Variants in ARL4D observed in about 807,000 individuals in gnomAD.
The protein encoded by ARL4D is ADP-ribosylation factor-like protein 4D.
A neutral mutation model predicts 0.6 loss-of-function variants in ARL4D; 1 was observed. The ratio of observed to expected loss-of-function variants is 1.64; its 90% CI spans 0.58 to 7.76. The LOEUF (loss-of-function observed/expected upper bound fraction) is 7.76, where lower values mean the gene tolerates loss of function less well. Among genes scored for constraint, ARL4D ranks in the 30% most tolerant of loss-of-function variants. The pLI, the probability that ARL4D is intolerant of heterozygous loss-of-function variation, is 0.14. For synonymous variants in ARL4D, 102 were observed against 115.2 expected (o/e 0.89, Z 0.73); for missense variants, 230 against 264.5 (o/e 0.87, Z 0.90).
rs2058084004 is a variant in ARL4D, at chr17:43,400,489, G to A, written c.*151G>A. ...GAGGAGCATGGGGTGTCCCGTTTTG[G>A]TGCCACACTGGGGTGGGGATGGGAG... On this transcript the variant is annotated 3_prime_UTR_variant, in exon 2 of 2. Transcript: ENST00000320033. The A allele has an allele frequency of 1.9e-6, 2 of 1,031,050 alleles. No homozygotes were observed. Among genetic ancestry groups the A allele is most frequent in the South Asian group, 1.7e-5 (1 of 58,194 alleles). The allele number at this position is 1,031,050 out of a possible 1,614,324, so 63.9% of individuals were successfully genotyped here.
Position 43,400,476 on chromosome 17 carries a change from G to A in ARL4D, c.*138G>A, listed in dbSNP as rs1018269066. ...TCAATGAAGGAGAGAGGAGCATGGG[G>A]TGTCCCGTTTTGGTGCCACACTGGG... On this transcript the variant is annotated 3_prime_UTR_variant, in exon 2 of 2. Coordinates refer to ENST00000320033, the MANE Select transcript of ARL4D (RefSeq NM_001661.4). 3.3e-5 allele frequency: 40 copies of A among 1,213,546 alleles called. No homozygotes were observed. The highest frequency in any genetic ancestry group is 4.3e-5 in the Non-Finnish European group (38 of 880,358). 75.2% of individuals were successfully genotyped at this position (1,213,546 alleles called of 1,614,324 possible).
chr17:43,399,778 T>C lies in ARL4D; in HGVS notation c.46T>C (p.Leu16=). The C allele has an allele frequency of 6.2e-7, 1 of 1,613,958 alleles. No homozygotes were observed. Among genetic ancestry groups the C allele is most frequent in the Non-Finnish European group, 8.5e-7 (1 of 1,179,958 alleles). Residue 16 remains leucine (L), a synonymous_variant, in exon 2 of 2, where the codon TTG becomes CTG. Coordinates refer to ENST00000320033, the MANE Select transcript of ARL4D (RefSeq NM_001661.4). The part of the protein sequence containing the change: ...TEMAPTASSF[L]PHFQALHVVV... ...GATGGCGCCCACTGCCTCCTCCTTC[T>C]TGCCCCACTTCCAAGCCCTGCATGT...
chr17:43,400,228 C>A lies in ARL4D; in HGVS notation c.496C>A (p.Gln166Lys). 1 of 1,604,296 alleles carries A rather than the reference C, an allele frequency of 6.2e-7. No homozygotes were observed. The highest frequency in any genetic ancestry group is 8.5e-7 in the Non-Finnish European group (1 of 1,176,544). The change falls in exon 2 of 2, where the codon CAA becomes AAA. Residue 166 changes from glutamine to lysine, a missense_variant. This residue lies in a region of ARL4D where 131 missense variants were observed against 134.4 expected (regional missense o/e 0.97). Transcript: ENST00000320033. ...AGCAGCCGCCACTCTCACTCATGTG[C>A]AAGGCTGCAGCGCTGTGGACGGTCT... ...ELAAATLTHV[Q>K]GCSAVDGLGL...
rs942197588 is a variant in ARL4D, at chr17:43,400,445, T to G, written c.*107T>G. ...CAGTCAGACTGGGGTGCAGGACCTGTCCACCTCAATGAAGGAGAGAGGAGC... is the reference window on the plus strand; with the variant it reads ...CAGTCAGACTGGGGTGCAGGACCTGGCCACCTCAATGAAGGAGAGAGGAGC... On this transcript the variant is annotated 3_prime_UTR_variant, in exon 2 of 2. Coordinates refer to ENST00000320033, the MANE Select transcript of ARL4D (RefSeq NM_001661.4). The G allele has an allele frequency of 1.4e-6, 2 of 1,407,120 alleles. No homozygotes were observed. Among genetic ancestry groups the G allele is most frequent in the Admixed American group, 5.1e-5 (2 of 39,484 alleles). The allele number at this position is 1,407,120 out of a possible 1,614,324, so 87.2% of individuals were successfully genotyped here. A position where few individuals can be genotyped will look rare whatever the true frequency, so the allele number is the denominator to read the frequency against.
In ARL4D at chr17:43,399,873, C is replaced by A; in HGVS notation, c.141C>A (p.Val47=). Residue 47 remains valine, a synonymous_variant, in exon 2 of 2, where the codon GTC becomes GTA. Transcript: ENST00000320033. The part of the protein sequence containing the change: ...LLYRLKFKEF[V]QSVPTKGFNT... The stretch of plus-strand genomic sequence containing the variant: ...ACCGCCTCAAGTTCAAGGAGTTTGT[C>A]CAGAGTGTCCCCACCAAAGGCTTCA... The A allele has an allele frequency of 6.2e-7, 1 of 1,614,098 alleles. No homozygotes were observed. Among genetic ancestry groups the A allele is most frequent in the East Asian group, 2.2e-5 (1 of 44,864 alleles).
At chr17:43,399,530 A>G (rs914404741) in intron 1 of ARL4D, 131 bp from the exon 2 acceptor site, 1 of 732,960 alleles carries the variant, frequency 1.4e-6, no homozygotes, top group African/African-American at 1.8e-5. Flanking sequence ...GCCTTAAAAA[A>G]AAAAAAAAAA....
chr17:43,399,801 T>A lies in ARL4D; in HGVS notation c.69T>A (p.His23Gln). 1 of 1,613,926 alleles carries A rather than the reference T, an allele frequency of 6.2e-7. No homozygotes were observed. Among genetic ancestry groups the A allele is most frequent in the Non-Finnish European group, 8.5e-7 (1 of 1,179,992 alleles). The change falls in exon 2 of 2, where the codon CAT (histidine) becomes CAA (glutamine). Residue 23 changes from histidine (H) to glutamine (Q), a missense_variant. Around this residue, in one of 3 missense-constraint regions of ARL4D, gnomAD observed 91 missense variants for 100.4 expected, o/e 0.91. Coordinates refer to ENST00000320033, the MANE Select transcript of ARL4D (RefSeq NM_001661.4). ...TCTTGCCCCACTTCCAAGCCCTGCA[T>A]GTCGTGGTCATTGGGCTGGACTCTG... ...SSFLPHFQAL[H>Q]VVVIGLDSAG...
At chr17:43,399,268 G>T (rs1157598657) in intron 1 of ARL4D, among the ~76,000 whole-genome samples, 175 bp downstream of exon 1, 3 of 149,110 alleles carry the variant, frequency 2.0e-5, no homozygotes, top group African/African-American at 7.3e-5. Flanking sequence ...GGGCGGGTGG[G>T]AGCCGGACTC....
In ARL4D at chr17:43,400,042, G is replaced by A. The variant is rs761216623; in HGVS notation, c.310G>A (p.Ala104Thr). The A allele has an allele frequency of 6.2e-7, 1 of 1,613,916 alleles. No individual in the cohort carries two copies. The highest frequency in any genetic ancestry group is 1.1e-5 in the South Asian group (1 of 91,080). ...CGGTCTAGTGTTTGTGGTGGACGCT[G>A]CGGAGGCTGAGCGGCTGGAGGAAGC... ...TDGLVFVVDAAEAERLEEAKV... is the reference protein window; with the variant it reads ...TDGLVFVVDATEAERLEEAKV... Residue 104 changes from alanine (A) to threonine (T), a missense_variant, in exon 2 of 2, where the codon GCG (alanine) becomes ACG (threonine). Physicochemically the swap from Ala to Thr is moderately conservative, Grantham distance 58. Transcript: ENST00000320033.
rs779395257 is a variant in ARL4D, at chr17:43,399,924, C to T, written c.192C>T (p.Leu64=). The change falls in exon 2 of 2, where the codon CTC becomes CTT. Residue 64 remains leucine, a synonymous_variant. Coordinates refer to ENST00000320033, the MANE Select transcript of ARL4D (RefSeq NM_001661.4). Reference sequence around the variant, plus strand: ...ACACCGAGAAGATCCGGGTGCCCCTCGGGGGATCGCGTGGCATCACCTTCC... The same window carrying T: ...ACACCGAGAAGATCCGGGTGCCCCTTGGGGGATCGCGTGGCATCACCTTCC... ...GFNTEKIRVP[L]GGSRGITFQV... is the part of the protein sequence containing the mutation. The T allele has an allele frequency of 4.3e-6, 7 of 1,613,944 alleles. No individual in the cohort carries two copies. Among genetic ancestry groups the T allele is most frequent in the African/African-American group, 2.7e-5 (2 of 74,878 alleles).
chr17:43,399,524 TAAA>T (rs3071190), intron 1 of ARL4D, 134 bp from the exon 2 acceptor site: 15,860 of 533,996 alleles, frequency 0.03, 1 homozygote, highest in East Asian at 0.036. Context: ...TGTTATGCCT[TAAA>T]AAAAAAAAAA....
rs1245450375 is a variant in ARL4D at position 43,399,667 on chromosome 17, C to T, written c.-66C>T. The T allele has an allele frequency of 6.5e-7, 1 of 1,530,758 alleles. No homozygotes were observed. The highest frequency in any genetic ancestry group is 1.4e-5 in the African/African-American group (1 of 71,932). The allele number at this position is 1,530,758 out of a possible 1,614,324, so 94.8% of individuals were successfully genotyped here. ...TGACCTTTTCTTGGTTCAGATAACC[C>T]AGCTGTGCTCCCTGGAACCTTCAAT... is the stretch of plus-strand genomic sequence containing the variant. On this transcript the variant is annotated 5_prime_UTR_variant, in exon 2 of 2. Transcript: ENST00000320033.
Position 43,400,282 on chromosome 17 carries a change from T to C in ARL4D, c.550T>C (p.Tyr184His). The C allele has an allele frequency of 6.2e-7, 1 of 1,607,280 alleles. No individual in the cohort carries two copies. The highest frequency in any genetic ancestry group is 8.5e-7 in the Non-Finnish European group (1 of 1,177,216). Residue 184 changes from tyrosine (Y) to histidine (H), a missense_variant, in exon 2 of 2, where the codon TAT becomes CAT. Transcript: ENST00000320033. Reference protein sequence around the residue: ...LGLQQGLERLYEMILKRKKAA... With the variant: ...LGLQQGLERLHEMILKRKKAA... ...CCTGCAGCAGGGCCTTGAGCGCCTCTATGAGATGATCCTCAAGAGGAAGAA... is the reference window on the plus strand; with the variant it reads ...CCTGCAGCAGGGCCTTGAGCGCCTCCATGAGATGATCCTCAAGAGGAAGAA...
chr17:43,399,935 G>A lies in ARL4D; in HGVS notation c.203G>A (p.Arg68His), dbSNP rs2058080913. 1.2e-6 allele frequency: 2 copies of A among 1,613,848 alleles called. No homozygotes were observed. The highest frequency in any genetic ancestry group is 8.5e-7 in the Non-Finnish European group (1 of 1,180,012). ...EKIRVPLGGS[R>H]GITFQVWDVG... ...ATCCGGGTGCCCCTCGGGGGATCGCGTGGCATCACCTTCCAAGTGTGGGAC... is the reference window on the plus strand; with the variant it reads ...ATCCGGGTGCCCCTCGGGGGATCGCATGGCATCACCTTCCAAGTGTGGGAC... The change falls in exon 2 of 2, where the codon CGT becomes CAT. Residue 68 changes from arginine to histidine, a missense_variant. Around this residue, in one of 3 missense-constraint regions of ARL4D, gnomAD observed 91 missense variants for 100.4 expected, o/e 0.91. Transcript: ENST00000320033.
rs753935753 is a variant in ARL4D, at chr17:43,399,705, C to T, written c.-28C>T. 5.1e-5 allele frequency: 81 copies of T among 1,589,298 alleles called. No individual in the cohort carries two copies. Among genetic ancestry groups the T allele is most frequent in the Non-Finnish European group, 6.6e-5 (77 of 1,165,062 alleles). On this transcript the variant is annotated 5_prime_UTR_variant, in exon 2 of 2. Transcript: ENST00000320033. The stretch of plus-strand genomic sequence containing the variant: ...TGGAACCTTCAATTTCAAGGCCTCC[C>T]TGCCTCTACTAGGCGCCTTAGCTCA...
At chr17:43,399,488 C>T (rs1376110260) in intron 1 of ARL4D, among the ~76,000 whole-genome samples, 173 bp from the exon 2 acceptor site, 1 of 150,238 alleles carries the variant, frequency 6.7e-6, no homozygotes, top group Non-Finnish European at 1.5e-5. Flanking sequence ...CCCTCACGAC[C>T]CCCCCAGGGA....
In ARL4D at chr17:43,400,955, C is replaced by T. The variant is rs1289217064; in HGVS notation, c.*617C>T. The T allele has an allele frequency of 6.0e-6, 1 of 166,994 alleles. No individual in the cohort carries two copies. The highest frequency in any genetic ancestry group is 1.5e-5 in the Non-Finnish European group (1 of 68,122). 10.3% of individuals were successfully genotyped at this position (166,994 alleles called of 1,614,324 possible). A position where few individuals can be genotyped will look rare whatever the true frequency, so the allele number is the denominator to read the frequency against. ...CTGTAGCTCTTACCTTGGTCTGGGG[C>T]ATTTTCCTCTCCTTATCTTGCCCCA... is the stretch of plus-strand genomic sequence containing the variant. On this transcript the variant is annotated 3_prime_UTR_variant, in exon 2 of 2. Coordinates refer to ENST00000320033, the MANE Select transcript of ARL4D (RefSeq NM_001661.4).
chr17:43,400,097 C>T lies in ARL4D; in HGVS notation c.365C>T (p.Ala122Val). 1 of 1,611,630 alleles carries T rather than the reference C, an allele frequency of 6.2e-7. No homozygotes were observed. Among genetic ancestry groups the T allele is most frequent in the Non-Finnish European group, 8.5e-7 (1 of 1,179,944 alleles). Residue 122 changes from alanine to valine, a missense_variant, in exon 2 of 2, where the codon GCC becomes GTC. This residue lies in a region of ARL4D where 131 missense variants were observed against 134.4 expected (regional missense o/e 0.97). Transcript: ENST00000320033. ...GTGGAGTTGCACCGAATCAGCCGGG[C>T]CTCGGACAACCAGGGCGTGCCAGTG... ...AKVELHRISRASDNQGVPVLV... is the reference protein window; with the variant it reads ...AKVELHRISRVSDNQGVPVLV...
rs1339283176 is a variant in ARL4D, at chr17:43,399,781, C to T, written c.49C>T (p.Pro17Ser). The change falls in exon 2 of 2, where the codon CCC becomes TCC. Residue 17 changes from proline (P) to serine (S), a missense_variant. Pro to Ser is a moderately conservative substitution (Grantham distance 74). This residue lies in a region of ARL4D where 91 missense variants were observed against 100.4 expected (regional missense o/e 0.91). Coordinates refer to ENST00000320033, the MANE Select transcript of ARL4D (RefSeq NM_001661.4). ...GGCGCCCACTGCCTCCTCCTTCTTG[C>T]CCCACTTCCAAGCCCTGCATGTCGT... Reference protein sequence around the residue: ...EMAPTASSFLPHFQALHVVVI... With the variant: ...EMAPTASSFLSHFQALHVVVI... 3.1e-6 allele frequency: 5 copies of T among 1,613,894 alleles called. No individual in the cohort carries two copies. The African/African-American group carries it at 5.3e-5, about 17-fold the overall frequency.
Sources: allele counts gnomAD v4.1 joint callset (sites outside exome capture counted in the v4.1 genomes callset), GRCh38; gene constraint gnomAD v4.1.1; regional missense constraint gnomAD v4.1.1; transcripts MANE v1.5; gene names NCBI Gene and HGNC (gene_info 2026-07-23, HGNC 2026-07-21).